Variants in DOCK7 observed in about 807,000 individuals in gnomAD.
DOCK7 encodes dedicator of cytokinesis protein 7.
DOCK7 carries 138 observed loss-of-function variants against 271.0 expected under a neutral mutation model. That is an observed-to-expected ratio of 0.51 (90% CI 0.44 to 0.59). The LOEUF is 0.59. Among genes scored for constraint, DOCK7 ranks in the 20% least tolerant of loss-of-function variants. DOCK7 has a pLI of 0.00. For synonymous variants in DOCK7, 823 were observed against 876.1 expected (o/e 0.94, Z 1.07); for missense variants, 2,066 against 2,592.4 (o/e 0.80, Z 4.41).
chr1:62,575,438 C>A (rs1040143129), intron 18 of DOCK7, among the ~76,000 whole-genome samples: 1 of 151,966 alleles, frequency 6.6e-6, no homozygotes, highest in Non-Finnish European at 1.5e-5. Flanking sequence ...ATTTTCTGTG[C>A]CTTATGATTT....
At position 62,494,459 on chromosome 1, in the gene DOCK7, T is replaced by C; in HGVS notation, c.5033A>G (p.Lys1678Arg). The C allele has an allele frequency of 6.3e-7, 1 of 1,597,228 alleles. No homozygotes were observed. The highest frequency in any genetic ancestry group is 8.6e-7 in the Non-Finnish European group (1 of 1,166,860). The change falls in exon 40 of 50, where the codon AAG (lysine) becomes AGG (arginine). Residue 1678 changes from lysine to arginine, a missense_variant. Coordinates refer to ENST00000635253, the MANE Select transcript of DOCK7 (RefSeq NM_001367561.1). ...MLIDLMYRIA[K>R]GYQTSPDLRL... is the part of the protein sequence containing the mutation. ...CAGATCTGGAGAGGTCTGGTAACCC[T>C]TGGCAATTCTAATTAGAACAGAAAT...
At chr1:62,649,961 A>C (rs1189220877) in intron 4 of DOCK7, among the ~76,000 whole-genome samples, 1 of 152,118 alleles carries the variant, frequency 6.6e-6, no homozygotes, top group Non-Finnish European at 1.5e-5. Flanking sequence ...AATTATATAA[A>C]ACAGAAGGTC....
chr1:62,477,979 A>G, intron 43 of DOCK7, 154 bp from the exon 44 acceptor site: 1 of 842,004 alleles, frequency 1.2e-6, no homozygotes, highest in East Asian at 3.0e-5. Flanking sequence ...GTTTAAACAA[A>G]GTAAACAGTC....
At chr1:62,662,386 A>T (rs948492211) in intron 2 of DOCK7, among the ~76,000 whole-genome samples, 1 of 152,042 alleles carries the variant, frequency 6.6e-6, no homozygotes, top group South Asian at 2.1e-4. Context: ...GACAGATAAT[A>T]CTACAAACCC....
intron 23 of DOCK7, among the ~76,000 whole-genome samples, chr1:62,544,687 C>A (rs1645643841): frequency 6.6e-6 from 1 of 152,046 alleles, no homozygotes; most frequent in Non-Finnish European, 1.5e-5. Flanking sequence ...CCATCAATTG[C>A]ATAAGCAGCA....
chr1:62,546,612 C>A (rs1306167409), intron 22 of DOCK7, among the ~76,000 whole-genome samples: 1 of 152,076 alleles, frequency 6.6e-6, no homozygotes, highest in Non-Finnish European at 1.5e-5. Flanking sequence ...TTACTAAGTT[C>A]AATGCCTTGA....
chr1:62,477,968 G>A, intron 43 of DOCK7, 143 bp from the exon 44 acceptor site: 1 of 955,348 alleles, frequency 1.0e-6, no homozygotes, highest in Non-Finnish European at 1.4e-6. Context: ...TTTAAATGAA[G>A]GTTTAAACAA....
chr1:62,669,508 A>G (rs1659690349), intron 1 of DOCK7, among the ~76,000 whole-genome samples: 1 of 152,206 alleles, frequency 6.6e-6, no homozygotes, highest in Admixed American at 6.5e-5. Flanking sequence ...GCTGTCTCTT[A>G]CTTGGTATAA....
chr1:62,644,895 G>A (rs999564451), intron 7 of DOCK7, among the ~76,000 whole-genome samples: 1 of 151,966 alleles, frequency 6.6e-6, no homozygotes, highest in Non-Finnish European at 1.5e-5. Context: ...ACAAACAAAA[G>A]TTAAATAGTT....
At chr1:62,476,210 G>C in intron 44 of DOCK7, 54 bp from the exon 45 acceptor site, 1 of 1,443,714 alleles carries the variant, frequency 6.9e-7, no homozygotes, top group Non-Finnish European at 9.6e-7. Flanking sequence ...CTGCGAAATA[G>C]AGAAGGCCTG....
chr1:62,531,570 T>C (rs949387443), intron 29 of DOCK7, among the ~76,000 whole-genome samples: 2 of 152,244 alleles, frequency 1.3e-5, no homozygotes, highest in Admixed American at 6.5e-5. Context: ...CATTTAATCA[T>C]AGTGTACTGT....
chr1:62,528,308 A>G lies in DOCK7; in HGVS notation c.3782-3T>C, dbSNP rs1645075330. On this transcript the variant is annotated splice_polypyrimidine_tract_variant and splice_region_variant and intron_variant, in intron 30 of 49. Coordinates refer to ENST00000635253, the MANE Select transcript of DOCK7 (RefSeq NM_001367561.1). ...TCTTCCTCGTTGATTGTGAGTTTCT[A>G]AAGAAAAATAATCCAAAAAAATAAA... 1.9e-6 allele frequency: 3 copies of G among 1,606,310 alleles called. No individual in the cohort carries two copies. Among genetic ancestry groups the G allele is most frequent in the African/African-American group, 2.7e-5 (2 of 74,854 alleles).
At chr1:62,490,058 T>C (rs979112532) in intron 41 of DOCK7, among the ~76,000 whole-genome samples, 1 of 96,916 alleles carries the variant, frequency 1.0e-5, no homozygotes, top group South Asian at 4.7e-4. Flanking sequence ...CTATCCCTTA[T>C]CCTTTTTTTT....
At chr1:62,551,003 G>A (rs1645885309) in intron 22 of DOCK7, among the ~76,000 whole-genome samples, 1 of 152,138 alleles carries the variant, frequency 6.6e-6, no homozygotes, top group Non-Finnish European at 1.5e-5. Flanking sequence ...TTACAGGCAT[G>A]AGCCACCATA....
Position 62,558,131 on chromosome 1 carries a change from A to G in DOCK7, c.2431+858T>C, listed in dbSNP as rs557294689. Among the ~76,000 whole-genome samples, 336 of 152,194 alleles carry G rather than the reference A, an allele frequency of 2.2e-3. 2 individuals are homozygous for G. The highest frequency in any genetic ancestry group is 7.7e-3 in the African/African-American group (321 of 41,550). On this transcript the variant is annotated intron_variant, in intron 20 of 49. Coordinates refer to ENST00000635253, the MANE Select transcript of DOCK7 (RefSeq NM_001367561.1). ...TCTCCCACTCTCCATATTACCTCTA[A>G]TCAATCCTCTAATTTATAACTAATT...
rs1417203749 is a variant in DOCK7, at chr1:62,578,853, G to A, written c.1985C>T (p.Pro662Leu). The A allele has an allele frequency of 3.7e-6, 6 of 1,605,380 alleles. No homozygotes were observed. The African/African-American group carries it at 4.0e-5, about 11-fold the overall frequency. Residue 662 changes from proline (P) to leucine (L), a missense_variant, in exon 17 of 50, where the codon CCT becomes CTT. By Grantham distance (98) the Pro-to-Leu change is moderately conservative. This residue lies in a region of DOCK7 where 1,414 missense variants were observed against 1,670.4 expected (regional missense o/e 0.85). Coordinates refer to ENST00000635253, the MANE Select transcript of DOCK7 (RefSeq NM_001367561.1). ...TGTATATCCAACTGGTGTTTCAAGA[G>A]GAGTATTTTGTTTTTGTTGACAACT... ...HVSCQQKQNT[P>L]LETPVGYTWI...
In DOCK7 at chr1:62,475,712, C is replaced by G; in HGVS notation, c.5956G>C (p.Glu1986Gln). The change falls in exon 46 of 50, where the codon GAA (glutamate) becomes CAA (glutamine). Residue 1986 changes from glutamate (E) to glutamine (Q), a missense_variant. Coordinates refer to ENST00000635253, the MANE Select transcript of DOCK7 (RefSeq NM_001367561.1). Reference sequence around the variant, plus strand: ...TTGCCCATTAATGGACTTACCTCTTCTTTATGAGTGACATTGACCCTTGTT... The same window carrying G: ...TTGCCCATTAATGGACTTACCTCTTGTTTATGAGTGACATTGACCCTTGTT... ...IKTRVNVTHK[E>Q]EIILTPIEVA... 6.2e-7 allele frequency: 1 copy of G among 1,613,732 alleles called. No homozygotes were observed. Among genetic ancestry groups the G allele is most frequent in the Non-Finnish European group, 8.5e-7 (1 of 1,179,816 alleles).
chr1:62,584,892 C>A, intron 15 of DOCK7: 1 of 709,448 alleles, frequency 1.4e-6, no homozygotes, highest in Non-Finnish European at 2.6e-6. Flanking sequence ...TAGAGGAGGC[C>A]ACATATATGA....
chr1:62,463,715 T>C (rs1231392887), intron 48 of DOCK7, among the ~76,000 whole-genome samples: 1 of 150,782 alleles, frequency 6.6e-6, no homozygotes, highest in East Asian at 1.9e-4. Flanking sequence ...GTTAAAAAAA[T>C]GCAAAACAAA....
Sources: allele counts gnomAD v4.1 joint callset (sites outside exome capture counted in the v4.1 genomes callset), GRCh38; gene constraint gnomAD v4.1.1; regional missense constraint gnomAD v4.1.1; transcripts MANE v1.5; gene names NCBI Gene and HGNC (gene_info 2026-07-23, HGNC 2026-07-21).